DPP10: variants seen among roughly 807,000 people sequenced by gnomAD.
The protein encoded by DPP10 is inactive dipeptidyl peptidase 10.
Under a neutral mutation model 120.9 loss-of-function variants are expected in DPP10, and 33 were observed. That is an observed-to-expected ratio of 0.27 (90% CI 0.21 to 0.37). DPP10 has a LOEUF of 0.37. Ranked by LOEUF, DPP10 falls within the 10% of genes least tolerant of loss-of-function variation. The pLI, the probability that DPP10 is intolerant of heterozygous loss-of-function variation, is 1.00. For synonymous variants in DPP10, 337 were observed against 326.1 expected, an observed-to-expected ratio of 1.03 and a Z score of -0.36; for missense variants, 816 against 942.8, an observed-to-expected ratio of 0.87 and a Z score of 1.76.
rs1357584352 is a variant in DPP10, at chr2:115,772,971, A to G, written c.1222-4237A>G. ...TATTCAGCAACACGAAGTTTTGCCC[A>G]TGAGAGCTGATGATTTCACTTGGAA... On this transcript the variant is annotated intron_variant, in intron 13 of 25. Transcript: ENST00000410059. Among the ~76,000 whole-genome samples, 4 of 152,144 alleles carry G rather than the reference A, an allele frequency of 2.6e-5. No homozygotes were observed. In the South Asian group the frequency reaches 8.3e-4, roughly 31 times the overall value.
intron 1 of DPP10, among the ~76,000 whole-genome samples, chr2:114,904,608 A>G (rs1693825073): frequency 6.6e-6 from 1 of 152,236 alleles, no homozygotes; most frequent in South Asian, 2.1e-4. Context: ...TGAGGACAAC[A>G]CCAATGGTGT....
At chr2:114,953,163 C>T (rs1172804409) in intron 1 of DPP10, among the ~76,000 whole-genome samples, 1 of 151,974 alleles carries the variant, frequency 6.6e-6, no homozygotes, top group East Asian at 1.9e-4. Context: ...TTTTATTTTA[C>T]ATAATCAAAT....
intron 1 of DPP10, among the ~76,000 whole-genome samples, chr2:114,649,372 G>A (rs751926503): frequency 3.6e-4 from 53 of 147,912 alleles, no homozygotes; most frequent in Non-Finnish European, 5.4e-4. Context: ...TTTTTGAGAT[G>A]GAGTCTTGCT....
chr2:115,385,593 G>A (rs563630832), intron 3 of DPP10, among the ~76,000 whole-genome samples: 1 of 152,204 alleles, frequency 6.6e-6, no homozygotes, highest in African/African-American at 2.4e-5. Flanking sequence ...CTGACATCAG[G>A]TAATCCTCCT....
At chr2:114,878,445 C>G (rs72832434) in intron 1 of DPP10, among the ~76,000 whole-genome samples, 18,103 of 152,090 alleles carry the variant, frequency 0.12, 1,364 homozygotes, top group Non-Finnish European at 0.17. Context: ...TTCAAGTAGT[C>G]TCTTCTAACT....
intron 1 of DPP10, among the ~76,000 whole-genome samples, chr2:114,982,798 A>ATTT (rs1244908503): frequency 6.7e-6 from 1 of 150,374 alleles, no homozygotes; most frequent in African/African-American, 2.5e-5. Context: ...GTAGAAATGG[A>ATTT]GTTTCGCCAT....
At chr2:115,191,140 G>A (rs749575636) in intron 1 of DPP10, among the ~76,000 whole-genome samples, 22 of 152,132 alleles carry the variant, frequency 1.4e-4, no homozygotes, top group Non-Finnish European at 2.1e-4. Context: ...TCTGTACTGG[G>A]TTACAGTGAT....
At chr2:114,813,018 G>A (rs113816414) in intron 1 of DPP10, among the ~76,000 whole-genome samples, 21 of 152,214 alleles carry the variant, frequency 1.4e-4, no homozygotes, top group African/African-American at 4.8e-4. Context: ...TGTATACAGC[G>A]TGTGGTCCAT....
chr2:114,513,022 A>AG (rs1026257354), intron 1 of DPP10, among the ~76,000 whole-genome samples: 2 of 152,146 alleles, frequency 1.3e-5, no homozygotes, highest in East Asian at 1.9e-4. Flanking sequence ...AAAAGGAGGA[A>AG]GGGGGAGGGA....
intron 3 of DPP10, among the ~76,000 whole-genome samples, chr2:115,490,004 T>G (rs2076015703): frequency 6.6e-6 from 1 of 152,166 alleles, no homozygotes; most frequent in Admixed American, 6.6e-5. Flanking sequence ...AGACAAAGTT[T>G]AACTCTTGCA....
At chr2:115,377,442 C>A (rs1035968282) in intron 3 of DPP10, among the ~76,000 whole-genome samples, 1 of 152,092 alleles carries the variant, frequency 6.6e-6, no homozygotes, top group Non-Finnish European at 1.5e-5. Context: ...ATTGTACATT[C>A]TGGATATTAA....
chr2:115,605,387 A>G (rs2083638693), intron 5 of DPP10, among the ~76,000 whole-genome samples: 2 of 152,130 alleles, frequency 1.3e-5, no homozygotes, highest in South Asian at 4.1e-4. Context: ...ATCTCTGTAA[A>G]TGATCTTTTT....
chr2:114,595,377 G>A (rs1691823083), intron 1 of DPP10, among the ~76,000 whole-genome samples: 1 of 152,038 alleles, frequency 6.6e-6, no homozygotes, highest in African/African-American at 2.4e-5. Context: ...ACTGACCAAA[G>A]ACCCATCATC....
At chr2:115,561,735 TTTC>T (rs1414618918) in intron 5 of DPP10, among the ~76,000 whole-genome samples, 1 of 152,204 alleles carries the variant, frequency 6.6e-6, no homozygotes, top group Non-Finnish European at 1.5e-5. Flanking sequence ...TATTATTGAT[TTTC>T]TTCTTAATCT....
chr2:115,106,102 T>C (rs1485707954), intron 1 of DPP10, among the ~76,000 whole-genome samples: 1 of 152,258 alleles, frequency 6.6e-6, no homozygotes, highest in Non-Finnish European at 1.5e-5. Context: ...TTTGGCATCA[T>C]TGTGATGGCC....
At chr2:114,935,748 A>G (rs1696412773) in intron 1 of DPP10, among the ~76,000 whole-genome samples, 2 of 152,200 alleles carry the variant, frequency 1.3e-5, no homozygotes, top group South Asian at 2.1e-4. Context: ...GTAATCTCAG[A>G]ATTTTGAGAT....
chr2:115,475,242 G>A (rs934667751), intron 3 of DPP10, among the ~76,000 whole-genome samples: 1 of 152,194 alleles, frequency 6.6e-6, no homozygotes, highest in Non-Finnish European at 1.5e-5. Flanking sequence ...GCAGCCTTGG[G>A]ACACTACTCC....
At chr2:115,108,442 C>G (rs2049054425) in intron 1 of DPP10, among the ~76,000 whole-genome samples, 1 of 152,170 alleles carries the variant, frequency 6.6e-6, no homozygotes, top group South Asian at 2.1e-4. Context: ...ATCTATCTTT[C>G]CAACATAGAA....
chr2:115,326,637 G>A (rs1224697209), intron 2 of DPP10, among the ~76,000 whole-genome samples: 1 of 151,958 alleles, frequency 6.6e-6, no homozygotes, highest in Non-Finnish European at 1.5e-5. Context: ...AGGATATGAA[G>A]GTGGAAGACA....
Sources: allele counts gnomAD v4.1 joint callset (sites outside exome capture counted in the v4.1 genomes callset), GRCh38; gene constraint gnomAD v4.1.1; transcripts MANE v1.5; gene names NCBI Gene and HGNC (gene_info 2026-07-23, HGNC 2026-07-21).